The following PTK7 variants were observed in gnomAD, a reference collection of about 807,000 sequenced individuals.
PTK7 encodes inactive tyrosine-protein kinase 7.
A neutral mutation model predicts 116.6 loss-of-function variants in PTK7; 39 were observed. The ratio of observed to expected loss-of-function variants is 0.33; its 90% confidence interval spans 0.26 to 0.44. The LOEUF (loss-of-function observed/expected upper bound fraction) is 0.44. Among genes scored for constraint, PTK7 ranks in the 20% least tolerant of loss-of-function variants. The probability of loss-of-function intolerance (pLI) is 1.00; values close to 1 mark genes in which losing one functional copy is unlikely to be tolerated. For synonymous variants in PTK7, 546 were observed against 563.6 expected (o/e 0.97, Z 0.44); for missense variants, 1,169 against 1,425.6 (o/e 0.82, Z 2.90).
intron 1 of PTK7, among the ~76,000 whole-genome samples, chr6:43,090,563 A>G (rs114422792): frequency 0.015 from 2,214 of 152,268 alleles, 52 homozygotes; most frequent in African/African-American, 0.049. Flanking sequence ...TGGGTTGTAC[A>G]AAGACCCTAG....
chr6:43,131,815 G>C, intron 5 of PTK7: 1 of 664,114 alleles, frequency 1.5e-6, no homozygotes, highest in East Asian at 2.8e-5. Flanking sequence ...CCTGTAGTTG[G>C]AACACACACC....
chr6:43,103,737 G>C (rs767015530), intron 1 of PTK7, among the ~76,000 whole-genome samples: 4 of 152,132 alleles, frequency 2.6e-5, no homozygotes, highest in Non-Finnish European at 5.9e-5. Context: ...CTGGGTGCCT[G>C]GGGGCATGAC....
intron 1 of PTK7, among the ~76,000 whole-genome samples, chr6:43,126,650 G>C (rs1769302891): frequency 6.6e-6 from 1 of 152,170 alleles, no homozygotes; most frequent in African/African-American, 2.4e-5. Context: ...GGTTTCTTTG[G>C]GTCATAGTCC....
intron 17 of PTK7, among the ~76,000 whole-genome samples, chr6:43,153,779 G>C (rs2150474592): frequency 6.6e-6 from 1 of 151,894 alleles, no homozygotes; most frequent in Non-Finnish European, 1.5e-5. Context: ...CCTCATACCT[G>C]TAATCGCAGC....
intron 1 of PTK7, among the ~76,000 whole-genome samples, chr6:43,123,978 G>A (rs115197954): frequency 0.022 from 3,375 of 152,314 alleles, 70 homozygotes; most frequent in African/African-American, 0.057. Context: ...AGGGAGCAGC[G>A]GAGGCAGGGC....
At chr6:43,077,930 T>G (rs909663068) in intron 1 of PTK7, among the ~76,000 whole-genome samples, 3 of 152,192 alleles carry the variant, frequency 2.0e-5, no homozygotes, top group African/African-American at 7.2e-5. Context: ...TCTTGTGATG[T>G]GTGTGGTGGT....
In PTK7 at chr6:43,076,960, C is replaced by T. The variant is rs938429656; in HGVS notation, c.79+393C>T. 6 of 1,511,948 alleles carry T rather than the reference C, an allele frequency of 4.0e-6. No homozygotes were observed. The highest frequency in any genetic ancestry group is 2.0e-5 in the Admixed American group (1 of 49,580). The allele number at this position is 1,511,948 out of a possible 1,614,324, so 93.7% of individuals were successfully genotyped here. ...AGCGCGATGGAGAAAAAGGAATTCC[C>T]CACCCCACCCGGCAGGGTCGGCCCA... On this transcript the variant is annotated intron_variant, in intron 1 of 19. Coordinates refer to ENST00000230419, the MANE Select transcript of PTK7 (RefSeq NM_002821.5). The surrounding 1 kb of genome is among the most constrained non-coding windows in gnomAD (Gnocchi z 5.7).
intron 1 of PTK7, among the ~76,000 whole-genome samples, chr6:43,084,396 G>A (rs973056126): frequency 7.9e-5 from 12 of 152,168 alleles, no homozygotes; most frequent in African/African-American, 2.9e-4. Context: ...TTCTGCCTCT[G>A]CTTGCCAAAG....
chr6:43,131,028 A>ACC (rs1491535973), intron 5 of PTK7, among the ~76,000 whole-genome samples: 71 of 88,472 alleles, frequency 8.0e-4, no homozygotes, highest in African/African-American at 3.2e-3. Flanking sequence ...TGGCAAAGAC[A>ACC]TCACACACAC....
intron 1 of PTK7, among the ~76,000 whole-genome samples, chr6:43,117,179 C>A (rs1010034273): frequency 2.6e-5 from 4 of 152,084 alleles, no homozygotes; most frequent in Non-Finnish European, 4.4e-5. Flanking sequence ...AAAGAGCATT[C>A]ATTTGCTTCT....
intron 5 of PTK7, 166 bp from the exon 6 acceptor site, chr6:43,131,850 T>C: frequency 1.1e-6 from 1 of 889,510 alleles, no homozygotes; most frequent in Non-Finnish European, 1.7e-6. Context: ...AGCAAGTGTA[T>C]GCAGGCACAC....
intron 1 of PTK7, among the ~76,000 whole-genome samples, chr6:43,085,933 CAAAAAAA>C (rs752791085): frequency 1.4e-5 from 1 of 72,402 alleles, no homozygotes; most frequent in Non-Finnish European, 2.7e-5. Flanking sequence ...AACTCTGTCT[CAAAAAAA>C]AAAAAAAAAA....
chr6:43,147,948 G>C (rs796431762), intron 17 of PTK7, among the ~76,000 whole-genome samples: 9 of 152,252 alleles, frequency 5.9e-5, no homozygotes, highest in African/African-American at 1.7e-4. Flanking sequence ...ACTGAGCCAG[G>C]TGTGGCCCCA....
intron 7 of PTK7, among the ~76,000 whole-genome samples, chr6:43,138,006 A>G (rs978982298): frequency 6.6e-6 from 1 of 151,892 alleles, no homozygotes; most frequent in African/African-American, 2.4e-5. Flanking sequence ...ACGGGGTTTC[A>G]CTATGTTGGC....
At chr6:43,146,342 T>TG (rs765539655) in intron 16 of PTK7, among the ~76,000 whole-genome samples, 1 of 152,120 alleles carries the variant, frequency 6.6e-6, no homozygotes, top group Non-Finnish European at 1.5e-5. Flanking sequence ...TCACTGAAGA[T>TG]GGGGGCTCTG....
chr6:43,102,740 G>A (rs953599665), intron 1 of PTK7, among the ~76,000 whole-genome samples: 4 of 151,388 alleles, frequency 2.6e-5, no homozygotes, highest in African/African-American at 9.7e-5. Context: ...ACTTAAAAAT[G>A]AAATACAATG....
intron 17 of PTK7, among the ~76,000 whole-genome samples, chr6:43,150,894 G>A (rs3793009): frequency 0.52 from 75,299 of 144,480 alleles, 20,278 homozygotes; most frequent in African/African-American, 0.71. Flanking sequence ...TGCAGCCTCC[G>A]CCTCCCAAGT....
intron 1 of PTK7, among the ~76,000 whole-genome samples, chr6:43,088,118 C>G (rs928903499): frequency 1.3e-5 from 2 of 151,616 alleles, no homozygotes; most frequent in Non-Finnish European, 2.9e-5. Context: ...GGGAACATAG[C>G]GAGACCCCAT....
intron 17 of PTK7, among the ~76,000 whole-genome samples, chr6:43,148,939 A>G: frequency 6.6e-6 from 1 of 151,518 alleles, no homozygotes; most frequent in Non-Finnish European, 1.5e-5. Context: ...GGTGCCTGTA[A>G]TCCAAGCTAC....
Sources: allele counts gnomAD v4.1 joint callset (sites outside exome capture counted in the v4.1 genomes callset), GRCh38; gene constraint gnomAD v4.1.1; non-coding constraint Gnocchi (gnomAD v3.1); transcripts MANE v1.5; gene names NCBI Gene and HGNC (gene_info 2026-07-23, HGNC 2026-07-21).